The following EPC2 variants were observed in gnomAD, a reference collection of about 807,000 sequenced individuals.
EPC2 encodes enhancer of polycomb homolog 2.
EPC2 carries 14 observed loss-of-function variants against 92.1 expected under a neutral mutation model. The observed-to-expected ratio is 0.15, with a 90% CI of 0.10 to 0.24. The LOEUF (loss-of-function observed/expected upper bound fraction) is 0.24, where lower values mean the gene tolerates loss of function less well. EPC2 is among the 10% of genes least tolerant of loss of function. EPC2 has a pLI of 1.00. For synonymous variants in EPC2, 340 were observed against 334.7 expected, an observed-to-expected ratio of 1.02 and a Z score of -0.17; for missense variants, 755 against 971.5, an observed-to-expected ratio of 0.78 and a Z score of 2.96.
Position 148,661,640 on chromosome 2 carries a change from G to A in EPC2, c.153+16470G>A, listed in dbSNP as rs149445108. On this transcript the variant is annotated intron_variant, in intron 1 of 13. Transcript: ENST00000258484. ...AATGCGATGTACATAATTTTGTATT[G>A]ATTTACAGATGTAGAAAACAATATA... Among the ~76,000 whole-genome samples the A allele has an allele frequency of 2.8e-4, 43 of 152,050 alleles. No individual in the cohort carries two copies. In the East Asian group the frequency reaches 8.1e-3, roughly 29 times the overall value.
rs1680700218 is a variant in EPC2, at chr2:148,652,130, T to C, written c.153+6960T>C. The stretch of plus-strand genomic sequence containing the variant: ...ATTGGTCTGGCTTGCATCAGGTATC[T>C]ACCTCTGAGTCTGCCATTCAAAGAG... On this transcript the variant is annotated intron_variant, in intron 1 of 13. Coordinates refer to ENST00000258484, the MANE Select transcript of EPC2 (RefSeq NM_015630.4). Among the ~76,000 whole-genome samples the C allele has an allele frequency of 3.3e-5, 5 of 152,324 alleles. No homozygotes were observed. In the South Asian group the frequency reaches 1.0e-3, roughly 32 times the overall value.
chr2:148,645,331 C>T (rs894906048), intron 1 of EPC2, 161 bp downstream of exon 1: 6 of 631,942 alleles, frequency 9.5e-6, no homozygotes, highest in Admixed American at 3.5e-5. Context: ...ACCCTCTCGG[C>T]CGGCGTAGCG....
intron 2 of EPC2, among the ~76,000 whole-genome samples, chr2:148,708,863 T>G (rs1475300107): frequency 6.6e-6 from 1 of 152,096 alleles, no homozygotes; most frequent in Admixed American, 6.6e-5. Context: ...TAAGAGCTAT[T>G]TATGACAAAC....
intron 1 of EPC2, among the ~76,000 whole-genome samples, chr2:148,668,892 T>G (rs78445226): frequency 0.014 from 2,147 of 152,268 alleles, 52 homozygotes; most frequent in African/African-American, 0.049. Flanking sequence ...TTTATTGATT[T>G]CTACTATGAT....
chr2:148,787,392 G>A lies in EPC2; in HGVS notation c.*1015G>A, dbSNP rs529260533. 1.3e-4 allele frequency: 20 copies of A among 152,618 alleles called. No individual in the cohort carries two copies. Among genetic ancestry groups the A allele is most frequent in the Admixed American group, 7.2e-4 (11 of 15,290 alleles). The allele number at this position is 152,618 out of a possible 1,614,324, so 9.5% of individuals were successfully genotyped here. A position where few individuals can be genotyped will look rare whatever the true frequency, so the allele number is the denominator to read the frequency against. ...GGTTGGAAAAAGTCTGACTGTAAGCGTTGGACACCTTCATAGTGTAGTGTT... is the reference window on the plus strand; with the variant it reads ...GGTTGGAAAAAGTCTGACTGTAAGCATTGGACACCTTCATAGTGTAGTGTT... On this transcript the variant is annotated 3_prime_UTR_variant, in exon 14 of 14. Transcript: ENST00000258484.
chr2:148,770,967 T>C, intron 9 of EPC2, 30 bp downstream of exon 9: 1 of 1,602,490 alleles, frequency 6.2e-7, no homozygotes, highest in Non-Finnish European at 8.5e-7. Flanking sequence ...CTGGTTTTTG[T>C]TTGCTATCTG....
intron 10 of EPC2, among the ~76,000 whole-genome samples, chr2:148,772,795 A>T (rs759194889): frequency 3.9e-5 from 6 of 152,202 alleles, no homozygotes; most frequent in Non-Finnish European, 8.8e-5. Context: ...ATCTAAAGAT[A>T]GTAGAAAGTT....
chr2:148,718,549 A>G (rs957877182), intron 2 of EPC2, among the ~76,000 whole-genome samples: 11 of 152,160 alleles, frequency 7.2e-5, no homozygotes, highest in African/African-American at 2.2e-4. Flanking sequence ...TTCTTTAAGA[A>G]TGTTGAATAT....
intron 10 of EPC2, 52 bp from the exon 11 acceptor site, chr2:148,781,592 A>G: frequency 6.5e-7 from 1 of 1,543,104 alleles, no homozygotes; most frequent in Non-Finnish European, 8.8e-7. Flanking sequence ...TGCTTGTGTT[A>G]TTAAAAATCT....
chr2:148,785,069 T>A, intron 13 of EPC2, 68 bp downstream of exon 13: 2 of 1,284,232 alleles, frequency 1.6e-6, no homozygotes, highest in Non-Finnish European at 2.1e-6. Context: ...AAAAAGACTT[T>A]TTTTTACACT....
intron 1 of EPC2, among the ~76,000 whole-genome samples, chr2:148,656,091 G>A (rs1268533920): frequency 6.8e-6 from 1 of 147,060 alleles, no homozygotes; most frequent in Admixed American, 7.0e-5. Flanking sequence ...AAGTAACCAA[G>A]TAATTCTCTT....
At chr2:148,709,958 C>T (rs1478593086) in intron 2 of EPC2, among the ~76,000 whole-genome samples, 1 of 152,164 alleles carries the variant, frequency 6.6e-6, no homozygotes, top group Non-Finnish European at 1.5e-5. Flanking sequence ...ATGACTAAAA[C>T]ACCAAAAGCA....
At chr2:148,712,622 G>A (rs1351335346) in intron 2 of EPC2, among the ~76,000 whole-genome samples, 1 of 152,156 alleles carries the variant, frequency 6.6e-6, no homozygotes, top group African/African-American at 2.4e-5. Context: ...AGGTGTGGTG[G>A]CTCACGCCTG....
chr2:148,663,193 T>TTTATTATTATTA (rs1559140910), intron 1 of EPC2, among the ~76,000 whole-genome samples: 3 of 98,636 alleles, frequency 3.0e-5, no homozygotes, highest in Non-Finnish European at 6.5e-5. Context: ...ACTGTGTTTT[T>TTTATTATTATTA]GTATTATTAT....
intron 2 of EPC2, among the ~76,000 whole-genome samples, chr2:148,732,161 G>T (rs1460250373): frequency 6.6e-6 from 1 of 152,134 alleles, no homozygotes; most frequent in East Asian, 1.9e-4. Context: ...ATCTTCTGTG[G>T]GAAGGGGCAA....
intron 1 of EPC2, among the ~76,000 whole-genome samples, chr2:148,653,759 A>G (rs1680733578): frequency 6.7e-6 from 1 of 150,292 alleles, no homozygotes; most frequent in Admixed American, 6.8e-5. Flanking sequence ...TGGGGAGTCA[A>G]CAAGCAGCAT....
At chr2:148,704,003 G>GA (rs1172158707) in intron 2 of EPC2, among the ~76,000 whole-genome samples, 1 of 152,144 alleles carries the variant, frequency 6.6e-6, no homozygotes, top group East Asian at 1.9e-4. Context: ...TCGTCCCTCA[G>GA]AAAATTGAAG....
intron 2 of EPC2, among the ~76,000 whole-genome samples, chr2:148,734,288 T>G (rs1285265617): frequency 6.6e-6 from 1 of 152,148 alleles, no homozygotes; most frequent in Admixed American, 6.5e-5. Context: ...AAATTAATCT[T>G]TAAAAAAATA....
At position 148,676,118 on chromosome 2, in the gene EPC2, A is replaced by G. The variant is rs1045517562; in HGVS notation, c.154-14096A>G. On this transcript the variant is annotated intron_variant, in intron 1 of 13. Transcript: ENST00000258484. ...TCATTGTGTATGACTAAAAGTCATG[A>G]ATTACTTAGTTTTTTTTTTTTTAAA... Among the ~76,000 whole-genome samples, 5 of 147,314 alleles carry G rather than the reference A, an allele frequency of 3.4e-5. 1 individual carries two copies. Among genetic ancestry groups the G allele is most frequent in the African/African-American group, 9.9e-5 (4 of 40,478 alleles).
Sources: gnomAD v4.1 joint callset for allele counts (sites outside exome capture counted in the v4.1 genomes callset) on GRCh38, gnomAD v4.1.1 for gene constraint, MANE v1.5 for transcripts, NCBI Gene and HGNC (gene_info 2026-07-23, HGNC 2026-07-21) for gene names.